Variants in GPATCH2 observed in about 807,000 individuals in gnomAD.
The protein encoded by GPATCH2 is G-patch domain containing 2.
In GPATCH2, 51 loss-of-function variants were observed where a neutral mutation model predicts 58.0. That is an observed-to-expected ratio of 0.88 (90% confidence interval 0.70 to 1.11). The LOEUF (loss-of-function observed/expected upper bound fraction) is 1.11. Among genes scored for constraint, GPATCH2 ranks in the 50% most tolerant of loss-of-function variants. The probability of loss-of-function intolerance (pLI) is 0.00; values close to 1 mark genes in which losing one functional copy is unlikely to be tolerated. For missense variants in GPATCH2, 625 were observed against 652.2 expected, an observed-to-expected ratio of 0.96 and a Z score of 0.45; for synonymous variants, 222 against 218.5, an observed-to-expected ratio of 1.02 and a Z score of -0.14.
At chr1:217,451,451 T>C (rs1193066640) in intron 8 of GPATCH2, among the ~76,000 whole-genome samples, 2 of 152,212 alleles carry the variant, frequency 1.3e-5, no homozygotes, top group South Asian at 2.1e-4. Flanking sequence ...ATTTAAACCA[T>C]CATTTCAATA....
intron 5 of GPATCH2, among the ~76,000 whole-genome samples, chr1:217,555,819 A>C (rs1665590752): frequency 6.6e-6 from 1 of 152,196 alleles, no homozygotes; most frequent in African/African-American, 2.4e-5. Context: ...ACTTCACCTT[A>C]AAGTTTATGA....
chr1:217,520,267 A>T (rs985120787), intron 5 of GPATCH2, among the ~76,000 whole-genome samples: 1 of 152,222 alleles, frequency 6.6e-6, no homozygotes, highest in Admixed American at 6.5e-5. Context: ...CCTCCTAGAA[A>T]GAATATTCAG....
chr1:217,530,956 A>G (rs1051953336), intron 5 of GPATCH2, among the ~76,000 whole-genome samples: 4 of 151,972 alleles, frequency 2.6e-5, no homozygotes, highest in African/African-American at 9.7e-5. Context: ...GGGCCTGAAA[A>G]CCTGAAGAGG....
At position 217,497,194 on chromosome 1, in the gene GPATCH2, C is replaced by T. The variant is rs570372397; in HGVS notation, c.1206+1162G>A. On this transcript the variant is annotated intron_variant, in intron 7 of 9. Coordinates refer to ENST00000366935, the MANE Select transcript of GPATCH2 (RefSeq NM_018040.5). The stretch of plus-strand genomic sequence containing the variant: ...TCCTGATGCAACTTAATACTAAAAG[C>T]GGAATATTATTGTAAGCATTGTACA... Among the ~76,000 whole-genome samples the T allele has an allele frequency of 1.4e-4, 22 of 151,996 alleles. 1 individual carries two copies. The South Asian group carries it at 2.9e-3, about 20-fold the overall frequency.
intron 5 of GPATCH2, among the ~76,000 whole-genome samples, chr1:217,588,682 G>A (rs944882523): frequency 6.6e-6 from 1 of 152,094 alleles, no homozygotes; most frequent in Non-Finnish European, 1.5e-5. Context: ...TCCTTACTCA[G>A]TATCATCATT....
rs1006590919 is a variant in GPATCH2, at chr1:217,483,137, A to G, written c.1277+8543T>C. On this transcript the variant is annotated intron_variant, in intron 8 of 9. Coordinates refer to ENST00000366935, the MANE Select transcript of GPATCH2 (RefSeq NM_018040.5). ...TGGTTGTTTCCTTTTTGCTTTTACTATTATGAATAAAGATGCTACAAATAT... is the reference window on the plus strand; with the variant it reads ...TGGTTGTTTCCTTTTTGCTTTTACTGTTATGAATAAAGATGCTACAAATAT... 3.3e-5 allele frequency among the ~76,000 whole-genome samples: 5 copies of G among 152,064 alleles called. No individual in the cohort carries two copies. The South Asian group carries it at 1.0e-3, about 32-fold the overall frequency.
chr1:217,493,117 C>T (rs888038864), intron 7 of GPATCH2, among the ~76,000 whole-genome samples: 2 of 152,080 alleles, frequency 1.3e-5, no homozygotes, highest in African/African-American at 2.4e-5. Context: ...CCAGTTTAGA[C>T]CACCATTTTC....
At position 217,598,387 on chromosome 1, in the gene GPATCH2, C is replaced by T. The variant is rs140326382; in HGVS notation, c.1098+11934G>A. On this transcript the variant is annotated intron_variant, in intron 5 of 9. Coordinates refer to ENST00000366935, the MANE Select transcript of GPATCH2 (RefSeq NM_018040.5). ...GGGGCCACAGAGCCAGATTCTGTCA[C>T]GAAAACAAAACAAAACAAAAAACCA... Among the ~76,000 whole-genome samples, 317 of 151,648 alleles carry T rather than the reference C, an allele frequency of 2.1e-3. 3 individuals carry two copies. The highest frequency in any genetic ancestry group is 0.012 in the Admixed American group (189 of 15,234).
chr1:217,498,063 G>A (rs1053551512), intron 7 of GPATCH2: 1 of 508,214 alleles, frequency 2.0e-6, no homozygotes. Flanking sequence ...TTAACTTTGT[G>A]AAAAATAAAG....
intron 5 of GPATCH2, among the ~76,000 whole-genome samples, chr1:217,524,436 G>A (rs373895080): frequency 0.026 from 3,949 of 151,456 alleles, 68 homozygotes; most frequent in East Asian, 0.076. Context: ...AGGCAGAGAC[G>A]CTCCTCACTT....
At chr1:217,559,418 T>C (rs1009510011) in intron 5 of GPATCH2, among the ~76,000 whole-genome samples, 1 of 152,128 alleles carries the variant, frequency 6.6e-6, no homozygotes, top group Non-Finnish European at 1.5e-5. Flanking sequence ...TCCATACCTG[T>C]GACATAAAAA....
At chr1:217,523,577 C>T (rs1663597774) in intron 5 of GPATCH2, among the ~76,000 whole-genome samples, 1 of 151,808 alleles carries the variant, frequency 6.6e-6, no homozygotes. Flanking sequence ...CTACCTCTTT[C>T]TACACAGACA....
At chr1:217,569,498 C>A (rs1275349659) in intron 5 of GPATCH2, among the ~76,000 whole-genome samples, 3 of 151,696 alleles carry the variant, frequency 2.0e-5, no homozygotes, top group Non-Finnish European at 2.9e-5. Flanking sequence ...AGTTCGAGAC[C>A]AGCCCGGCTA....
chr1:217,601,030 C>G (rs1323844343), intron 5 of GPATCH2, among the ~76,000 whole-genome samples: 1 of 151,950 alleles, frequency 6.6e-6, no homozygotes, highest in Non-Finnish European at 1.5e-5. Context: ...TATGCAAATA[C>G]TAAAGTGAGA....
intron 2 of GPATCH2, 81 bp from the exon 3 acceptor site, chr1:217,614,283 T>A: frequency 1.3e-6 from 1 of 785,732 alleles, no homozygotes; most frequent in South Asian, 1.5e-5. Context: ...ACATGGCAGC[T>A]CAGAGATGGA....
intron 5 of GPATCH2, among the ~76,000 whole-genome samples, chr1:217,529,742 G>A (rs1027850583): frequency 5.3e-5 from 8 of 152,016 alleles, no homozygotes; most frequent in South Asian, 2.1e-4. Flanking sequence ...CCCCACACCC[G>A]GCACTAACAG....
intron 5 of GPATCH2, among the ~76,000 whole-genome samples, chr1:217,534,645 C>T (rs564544888): frequency 2.0e-5 from 3 of 152,104 alleles, no homozygotes; most frequent in African/African-American, 7.2e-5. Context: ...CCTCTGCACT[C>T]ACCACCACCC....
chr1:217,537,325 T>G (rs1394892888), intron 5 of GPATCH2, among the ~76,000 whole-genome samples: 1 of 152,222 alleles, frequency 6.6e-6, no homozygotes, highest in Non-Finnish European at 1.5e-5. Context: ...ATAAACTTCG[T>G]ATCTGGGCTA....
rs1646260138 is a variant in GPATCH2 at position 217,430,701 on chromosome 1, T to C, written c.*444A>G. 6.0e-6 allele frequency: 1 copy of C among 166,974 alleles called. No individual in the cohort carries two copies. The highest frequency in any genetic ancestry group is 5.9e-5 in the Admixed American group (1 of 16,976). The allele number at this position is 166,974 out of a possible 1,614,324, so 10.3% of individuals were successfully genotyped here. A position where few individuals can be genotyped will look rare whatever the true frequency, so the allele number is the denominator to read the frequency against. On this transcript the variant is annotated 3_prime_UTR_variant, in exon 10 of 10. Transcript: ENST00000366935. ...CAAAGATGTGTTCGGACTTCACTGATGCGATGGTAGGTCTTTTGGGTTACA... is the reference window on the plus strand; with the variant it reads ...CAAAGATGTGTTCGGACTTCACTGACGCGATGGTAGGTCTTTTGGGTTACA...
Sources: gnomAD v4.1 joint callset for allele counts (sites outside exome capture counted in the v4.1 genomes callset) on GRCh38, gnomAD v4.1.1 for gene constraint, MANE v1.5 for transcripts, NCBI Gene and HGNC (gene_info 2026-07-23, HGNC 2026-07-21) for gene names.